RBMS3: variants seen among roughly 807,000 people sequenced by gnomAD.
RBMS3 encodes the protein RNA binding motif single stranded interacting protein 3.
In RBMS3, 27 loss-of-function variants were observed where a neutral mutation model predicts 66.8. The ratio of observed to expected loss-of-function variants is 0.40; its 90% CI spans 0.30 to 0.56. RBMS3 has a LOEUF of 0.56. Ranked by LOEUF, RBMS3 falls within the 20% of genes least tolerant of loss-of-function variation. The pLI, the probability that RBMS3 is intolerant of heterozygous loss-of-function variation, is 0.40. For synonymous variants in RBMS3, 188 were observed against 183.0 expected (o/e 1.03, Z -0.22); for missense variants, 513 against 549.5 (o/e 0.93, Z 0.66).
intron 5 of RBMS3, among the ~76,000 whole-genome samples, chr3:29,742,171 A>G (rs1247033455): frequency 6.6e-6 from 1 of 152,208 alleles, no homozygotes; most frequent in East Asian, 1.9e-4. Context: ...AAAAGGCAGA[A>G]CTATAATGCT....
At chr3:29,884,471 C>CG (rs1553692504) in intron 8 of RBMS3, among the ~76,000 whole-genome samples, 1 of 38,932 alleles carries the variant, frequency 2.6e-5, no homozygotes, top group African/African-American at 7.2e-5. Flanking sequence ...TCTCTCTCTC[C>CG]CCCCCCGCTC....
intron 6 of RBMS3, among the ~76,000 whole-genome samples, chr3:29,835,779 G>A (rs2058490627): frequency 6.6e-6 from 1 of 151,354 alleles, no homozygotes. Flanking sequence ...AAAGATCAAG[G>A]AAGAAATAAA....
intron 4 of RBMS3, among the ~76,000 whole-genome samples, chr3:29,611,225 C>G (rs913854803): frequency 2.6e-5 from 4 of 152,024 alleles, no homozygotes; most frequent in African/African-American, 9.7e-5. Context: ...TGGAAATTGT[C>G]AGGGCAATTT....
At chr3:29,873,405 A>G (rs2059537868) in intron 7 of RBMS3, among the ~76,000 whole-genome samples, 2 of 152,158 alleles carry the variant, frequency 1.3e-5, no homozygotes, top group Non-Finnish European at 2.9e-5. Context: ...CAGTTGGTCT[A>G]TAGGAATGCT....
intron 10 of RBMS3, among the ~76,000 whole-genome samples, chr3:29,917,563 C>T (rs2149646786): frequency 6.6e-6 from 1 of 152,006 alleles, no homozygotes; most frequent in Non-Finnish European, 1.5e-5. Flanking sequence ...TTAAACTGGC[C>T]ATACATTCTA....
chr3:29,634,276 A>C (rs1161671305), intron 4 of RBMS3, among the ~76,000 whole-genome samples: 1 of 151,934 alleles, frequency 6.6e-6, no homozygotes, highest in Non-Finnish European at 1.5e-5. Flanking sequence ...TACTATGTGC[A>C]ATTGTCTGTG....
intron 4 of RBMS3, among the ~76,000 whole-genome samples, chr3:29,605,792 T>A (rs1257383434): frequency 2.0e-5 from 3 of 151,810 alleles, no homozygotes; most frequent in African/African-American, 7.2e-5. Flanking sequence ...ATGTCAAGAA[T>A]GCTAGTACTG....
At chr3:29,967,915 G>T (rs1218592221) in intron 12 of RBMS3, among the ~76,000 whole-genome samples, 1 of 152,056 alleles carries the variant, frequency 6.6e-6, no homozygotes, top group Non-Finnish European at 1.5e-5. Context: ...CAAAGAACCA[G>T]ATTTTTGTTT....
chr3:29,514,090 G>A (rs570124085), intron 3 of RBMS3, among the ~76,000 whole-genome samples: 1 of 152,244 alleles, frequency 6.6e-6, no homozygotes, highest in South Asian at 2.1e-4. Context: ...ATTTAAACGT[G>A]AAGTAGCCTA....
In RBMS3 at chr3:29,672,981, T is replaced by G. The variant is rs534047750; in HGVS notation, c.400-66739T>G. ...CCCCAAATCAACAGAATATACATTCTTCTCAGCACCACATCGCACTTATTA... is the reference window on the plus strand; with the variant it reads ...CCCCAAATCAACAGAATATACATTCGTCTCAGCACCACATCGCACTTATTA... On this transcript the variant is annotated intron_variant, in intron 4 of 14. Transcript: ENST00000383767. Among the ~76,000 whole-genome samples, 13 of 152,106 alleles carry G rather than the reference T, an allele frequency of 8.5e-5. No individual in the cohort carries two copies. In the South Asian group the frequency reaches 2.3e-3, roughly 27 times the overall value.
At chr3:29,758,226 G>A (rs2055512247) in intron 5 of RBMS3, among the ~76,000 whole-genome samples, 1 of 152,176 alleles carries the variant, frequency 6.6e-6, no homozygotes, top group Non-Finnish European at 1.5e-5. Context: ...AAGTACATCA[G>A]TCAGTAGAGA....
At chr3:29,795,547 A>G (rs1008951210) in intron 6 of RBMS3, among the ~76,000 whole-genome samples, 1 of 152,218 alleles carries the variant, frequency 6.6e-6, no homozygotes, top group African/African-American at 2.4e-5. Flanking sequence ...GTTCATTGTT[A>G]TATCTCTAGC....
At chr3:29,995,521 C>T (rs1425911934) in intron 14 of RBMS3, among the ~76,000 whole-genome samples, 7 of 151,156 alleles carry the variant, frequency 4.6e-5, no homozygotes, top group African/African-American at 4.8e-5. Flanking sequence ...AGAGAAAGGT[C>T]GGGTTACCCT....
intron 2 of RBMS3, among the ~76,000 whole-genome samples, chr3:29,487,559 G>T (rs1273350682): frequency 6.6e-6 from 1 of 152,082 alleles, no homozygotes; most frequent in Admixed American, 6.6e-5. Context: ...CTCAGAGAAT[G>T]CCGAGGGCTG....
Position 30,003,978 on chromosome 3 carries a change from T to A in RBMS3, c.*116T>A, listed in dbSNP as rs935101875. The A allele has an allele frequency of 5.3e-5, 51 of 960,976 alleles. No individual in the cohort carries two copies. In the East Asian group the frequency reaches 1.4e-3, roughly 27 times the overall value. 59.5% of individuals were successfully genotyped at this position (960,976 alleles called of 1,614,324 possible). A position where few individuals can be genotyped will look rare whatever the true frequency, so the allele number is the denominator to read the frequency against. ...ATGGAATGCATTTTTTTGTTGTTGT[T>A]GTTGTTTTTTTTTTAGTGTTATACC... On this transcript the variant is annotated 3_prime_UTR_variant, in exon 15 of 15. Coordinates refer to ENST00000383767, the MANE Select transcript of RBMS3 (RefSeq NM_001003793.3).
Position 30,004,951 on chromosome 3 carries a change from A to G in RBMS3, c.*1089A>G, listed in dbSNP as rs1427474904. 2 of 151,808 alleles carry G rather than the reference A, an allele frequency of 1.3e-5. No individual in the cohort carries two copies. Among genetic ancestry groups the G allele is most frequent in the Non-Finnish European group, 3.0e-5 (2 of 67,696 alleles). 9.4% of individuals were successfully genotyped at this position (151,808 alleles called of 1,614,324 possible). The stretch of plus-strand genomic sequence containing the variant: ...AAAAGTGCAAAAAAAAAAACAAAAA[A>G]AAAGCAATAGATAGAGAAATTGTTG... On this transcript the variant is annotated 3_prime_UTR_variant, in exon 15 of 15. Transcript: ENST00000383767.
chr3:29,757,084 G>A (rs566212911), intron 5 of RBMS3, among the ~76,000 whole-genome samples: 111 of 152,256 alleles, frequency 7.3e-4, no homozygotes, highest in African/African-American at 2.6e-3. Flanking sequence ...GGGGATGAAA[G>A]TTCCAACCCA....
At chr3:29,643,169 G>A (rs1196276182) in intron 4 of RBMS3, among the ~76,000 whole-genome samples, 2 of 152,122 alleles carry the variant, frequency 1.3e-5, no homozygotes, top group African/African-American at 4.8e-5. Context: ...GGGCATGACA[G>A]TTATCTAAAG....
chr3:29,730,819 G>T, intron 4 of RBMS3: 1 of 933,342 alleles, frequency 1.1e-6, no homozygotes, highest in Non-Finnish European at 1.3e-6. Context: ...TTGTGATATG[G>T]TAATATATTA....
Sources: gnomAD v4.1 joint callset for allele counts (sites outside exome capture counted in the v4.1 genomes callset) on GRCh38, gnomAD v4.1.1 for gene constraint, MANE v1.5 for transcripts, NCBI Gene and HGNC (gene_info 2026-07-23, HGNC 2026-07-21) for gene names.